Variants in TSNARE1 observed in about 807,000 individuals in gnomAD.
TSNARE1 encodes the protein t-SNARE domain containing 1.
A neutral mutation model predicts 62.0 loss-of-function variants in TSNARE1; 49 were observed. The ratio of observed to expected loss-of-function variants is 0.79; its 90% CI spans 0.63 to 1.00. The LOEUF is 1.00. Ranked by LOEUF, TSNARE1 falls within the 50% of genes least tolerant of loss-of-function variation. The pLI, the probability that TSNARE1 is intolerant of heterozygous loss-of-function variation, is 0.00. For synonymous variants in TSNARE1, 328 were observed against 294.4 expected (o/e 1.11, Z -1.17); for missense variants, 755 against 700.1 (o/e 1.08, Z -0.88).
At chr8:142,266,963 C>T (rs1819164992) in intron 12 of TSNARE1, among the ~76,000 whole-genome samples, 1 of 152,226 alleles carries the variant, frequency 6.6e-6, no homozygotes, top group South Asian at 2.1e-4. Flanking sequence ...CTTAACCCAT[C>T]CACAAAGTTC....
chr8:142,329,865 T>G (rs1830759156), intron 6 of TSNARE1, among the ~76,000 whole-genome samples: 1 of 152,196 alleles, frequency 6.6e-6, no homozygotes, highest in Non-Finnish European at 1.5e-5. Context: ...AGAATAGAAC[T>G]GCCCTGAACA....
intron 9 of TSNARE1, among the ~76,000 whole-genome samples, chr8:142,301,269 G>A (rs1174599530): frequency 1.8e-5 from 2 of 108,730 alleles, no homozygotes; most frequent in Non-Finnish European, 3.6e-5. Context: ...TTCCCCTCCC[G>A]TCAGGAGCCC....
intron 12 of TSNARE1, among the ~76,000 whole-genome samples, chr8:142,256,801 T>C (rs1200496465): frequency 6.6e-6 from 1 of 152,226 alleles, no homozygotes; most frequent in East Asian, 1.9e-4. Flanking sequence ...TCTGCCTGAC[T>C]CTGGGGACAA....
At chr8:142,223,965 G>A (rs1345034163) in intron 13 of TSNARE1, among the ~76,000 whole-genome samples, 1 of 152,270 alleles carries the variant, frequency 6.6e-6, no homozygotes, top group Non-Finnish European at 1.5e-5. Flanking sequence ...TCTGCCAAGG[G>A]AGCCCAGGCA....
rs955355249 is a variant in TSNARE1, at chr8:142,274,957, G to A, written c.1364-94C>T. The A allele has an allele frequency of 7.1e-6, 10 of 1,400,984 alleles. No individual in the cohort carries two copies. The African/African-American group carries it at 1.2e-4, about 17-fold the overall frequency. 86.8% of individuals were successfully genotyped at this position (1,400,984 alleles called of 1,614,324 possible). On this transcript the variant is annotated intron_variant, in intron 11 of 13. Transcript: ENST00000524325. ...CCAAAGGCAAGCCCAGGGAGCCTGAGCCCAGGGCCTGCAGAGGAGCAGAGG... is the reference window on the plus strand; with the variant it reads ...CCAAAGGCAAGCCCAGGGAGCCTGAACCCAGGGCCTGCAGAGGAGCAGAGG...
Position 142,363,417 on chromosome 8 carries a change from C to T in TSNARE1, c.-39-8654G>A, listed in dbSNP as rs115393497. ...GGAGAAGAGATGTGGGTTAAAGCCC[C>T]GATTCAAGGTGCACAGGGGCCTCGT... On this transcript the variant is annotated intron_variant, in intron 1 of 13. Transcript: ENST00000524325. 2.0e-3 allele frequency among the ~76,000 whole-genome samples: 311 copies of T among 152,190 alleles called. 1 individual carries two copies. Among genetic ancestry groups the T allele is most frequent in the African/African-American group, 7.0e-3 (289 of 41,520 alleles).
intron 1 of TSNARE1, among the ~76,000 whole-genome samples, chr8:142,360,826 G>A (rs562924823): frequency 6.6e-6 from 1 of 152,340 alleles, no homozygotes; most frequent in Admixed American, 6.5e-5. Flanking sequence ...CTGCCCACCG[G>A]GCTCCCGGCT....
Position 142,398,887 on chromosome 8 carries a change from A to G in TSNARE1, c.-40+4217T>C, listed in dbSNP as rs375482196. ...GGACAAAAAAGGAAGGGCCCTGTGC[A>G]GCACAGTCCGGATTTGAAGCCCACA... On this transcript the variant is annotated intron_variant, in intron 1 of 13. Coordinates refer to ENST00000524325, the MANE Select transcript of TSNARE1 (RefSeq NM_145003.5). Among the ~76,000 whole-genome samples, 6 of 152,294 alleles carry G rather than the reference A, an allele frequency of 3.9e-5. No homozygotes were observed. In the East Asian group the frequency reaches 1.2e-3, roughly 30 times the overall value.
chr8:142,403,221 G>C (rs1036513515), upstream of TSNARE1: 2 of 149,820 alleles, frequency 1.3e-5, no homozygotes, highest in African/African-American at 4.9e-5. Context: ...GCCCCCTCCC[G>C]CACCAGCCAA....
At chr8:142,226,128 C>T (rs531892532) in intron 13 of TSNARE1, among the ~76,000 whole-genome samples, 1 of 152,334 alleles carries the variant, frequency 6.6e-6, no homozygotes, top group African/African-American at 2.4e-5. Flanking sequence ...CAAATAAGGC[C>T]ATGTTCACAG....
At chr8:142,334,157 G>A (rs746012406) in intron 4 of TSNARE1, among the ~76,000 whole-genome samples, 46 of 152,212 alleles carry the variant, frequency 3.0e-4, no homozygotes, top group Non-Finnish European at 5.7e-4. Context: ...GTTCAAATAA[G>A]GCAAATGCCA....
intron 1 of TSNARE1, among the ~76,000 whole-genome samples, chr8:142,357,981 G>T (rs1273711914): frequency 6.7e-6 from 1 of 150,278 alleles, no homozygotes; most frequent in African/African-American, 2.5e-5. Flanking sequence ...CAGGACAAGG[G>T]GAGCAGCCAG....
Position 142,364,187 on chromosome 8 carries a change from A to G in TSNARE1, c.-39-9424T>C, listed in dbSNP as rs569619579. 4.1e-3 allele frequency among the ~76,000 whole-genome samples: 617 copies of G among 152,280 alleles called. 2 individuals carry two copies. Among genetic ancestry groups the G allele is most frequent in the Non-Finnish European group, 5.1e-3 (344 of 68,012 alleles). On this transcript the variant is annotated intron_variant, in intron 1 of 13. Coordinates refer to ENST00000524325, the MANE Select transcript of TSNARE1 (RefSeq NM_145003.5). ...TCGGCGCTCTCCCTGCACTGGCACTAAGGCCTGAGGTCTGCCCTCATGGCA... is the reference window on the plus strand; with the variant it reads ...TCGGCGCTCTCCCTGCACTGGCACTGAGGCCTGAGGTCTGCCCTCATGGCA...
chr8:142,266,884 T>C (rs1819161101), intron 12 of TSNARE1, among the ~76,000 whole-genome samples: 1 of 152,224 alleles, frequency 6.6e-6, no homozygotes, highest in Non-Finnish European at 1.5e-5. Flanking sequence ...CTTACCTCTC[T>C]TTGCAACATT....
chr8:142,255,797 TCAC>T (rs1374569936), intron 12 of TSNARE1, among the ~76,000 whole-genome samples: 1 of 47,468 alleles, frequency 2.1e-5, no homozygotes, highest in Admixed American at 2.2e-4. Flanking sequence ...ATCATCACCA[TCAC>T]CACCACCACC....
At chr8:142,260,247 C>T (rs1215816431) in intron 12 of TSNARE1, among the ~76,000 whole-genome samples, 1 of 152,156 alleles carries the variant, frequency 6.6e-6, no homozygotes, top group Non-Finnish European at 1.5e-5. Flanking sequence ...TAGAAAAAGT[C>T]AAATCATGAT....
intron 1 of TSNARE1, among the ~76,000 whole-genome samples, chr8:142,402,156 A>C (rs1199316479): frequency 6.6e-6 from 1 of 152,138 alleles, no homozygotes; most frequent in African/African-American, 2.4e-5. Flanking sequence ...CAGCAGAGGA[A>C]AGAAAGGGCG....
chr8:142,273,317 A>C (rs961957962), intron 12 of TSNARE1: 9 of 985,168 alleles, frequency 9.1e-6, no homozygotes, highest in Non-Finnish European at 1.1e-5. Context: ...TCCTCTTGAA[A>C]CAAGGCCTTC....
At chr8:142,293,145 T>A (rs2131122802) in intron 10 of TSNARE1, among the ~76,000 whole-genome samples, 1 of 152,266 alleles carries the variant, frequency 6.6e-6, no homozygotes, top group East Asian at 1.9e-4. Context: ...CCGCAGGCCA[T>A]CAGCAGCATC....
Sources: allele counts gnomAD v4.1 joint callset (sites outside exome capture counted in the v4.1 genomes callset), GRCh38; gene constraint gnomAD v4.1.1; transcripts MANE v1.5; gene names NCBI Gene and HGNC (gene_info 2026-07-23, HGNC 2026-07-21).